The following TNC variants were observed in gnomAD, a reference collection of about 807,000 sequenced individuals.
TNC encodes tenascin.
A neutral mutation model predicts 202.4 loss-of-function variants in TNC; 109 were observed. That is an observed-to-expected ratio of 0.54 (90% CI 0.46 to 0.63). The LOEUF is 0.63. Among genes scored for constraint, TNC ranks in the 30% least tolerant of loss-of-function variants. TNC has a pLI of 0.00. For missense variants in TNC, 2,756 were observed against 2,833.3 expected, an observed-to-expected ratio of 0.97 and a Z score of 0.62; for synonymous variants, 1,007 against 1,089.7, an observed-to-expected ratio of 0.92 and a Z score of 1.50.
At chr9:115,093,882 T>C (rs910847284) in intron 1 of TNC, among the ~76,000 whole-genome samples, 6 of 152,170 alleles carry the variant, frequency 3.9e-5, no homozygotes, top group African/African-American at 1.2e-4. Context: ...AGTATGTTAT[T>C]CTTGAGCATT....
At chr9:115,059,523 G>C (rs1400202200) in intron 14 of TNC, among the ~76,000 whole-genome samples, 4 of 152,066 alleles carry the variant, frequency 2.6e-5, no homozygotes, top group Admixed American at 2.0e-4. Flanking sequence ...GATCAGAAAG[G>C]GCAACACCTG....
intron 15 of TNC, among the ~76,000 whole-genome samples, chr9:115,050,354 C>G (rs1207168481): frequency 6.6e-6 from 1 of 152,110 alleles, no homozygotes; most frequent in Non-Finnish European, 1.5e-5. Context: ...CTGGGTCTCT[C>G]AGCTTCCTTT....
chr9:115,038,542 G>C (rs941858121), intron 19 of TNC, among the ~76,000 whole-genome samples, 162 bp from the exon 20 acceptor site: 7 of 152,222 alleles, frequency 4.6e-5, no homozygotes, highest in Non-Finnish European at 7.3e-5. Flanking sequence ...ACCTGGCTTT[G>C]AGTAATGACT....
At chr9:115,059,358 C>T (rs180992196) in intron 14 of TNC, among the ~76,000 whole-genome samples, 177 of 152,248 alleles carry the variant, frequency 1.2e-3, no homozygotes, top group African/African-American at 4.1e-3. Context: ...ATCTGTGTTC[C>T]ACCAGAACTC....
chr9:115,066,938 A>C (rs1026421235), intron 10 of TNC, among the ~76,000 whole-genome samples: 3 of 152,232 alleles, frequency 2.0e-5, no homozygotes, highest in Non-Finnish European at 4.4e-5. Context: ...GGCCCTTTAC[A>C]GAAAATGTTT....
chr9:115,106,789 T>G (rs1836651281), intron 1 of TNC, among the ~76,000 whole-genome samples: 1 of 152,208 alleles, frequency 6.6e-6, no homozygotes, highest in African/African-American at 2.4e-5. Flanking sequence ...AGAGAGCGTT[T>G]CAGAGGGGCT....
intron 19 of TNC, 57 bp from the exon 20 acceptor site, chr9:115,038,437 GCTGC>G: frequency 1.9e-6 from 3 of 1,592,956 alleles, no homozygotes; most frequent in Non-Finnish European, 2.6e-6. Context: ...TCAGACTCTA[GCTGC>G]TCTGCTGTCC....
Position 115,021,141 on chromosome 9 carries a change from C to T in TNC, c.*16G>A. The T allele has an allele frequency of 6.3e-7, 1 of 1,599,514 alleles. No individual in the cohort carries two copies. Among genetic ancestry groups the T allele is most frequent in the Non-Finnish European group, 8.6e-7 (1 of 1,167,118 alleles). Reference sequence around the variant, plus strand: ...CTCTGGGCCTTATTCCTCTCTCACCCAGTGGTCCCTGGAATTTATGCCCGT... The same window carrying T: ...CTCTGGGCCTTATTCCTCTCTCACCTAGTGGTCCCTGGAATTTATGCCCGT... On this transcript the variant is annotated 3_prime_UTR_variant, in exon 28 of 28. Transcript: ENST00000350763.
intron 19 of TNC, among the ~76,000 whole-genome samples, chr9:115,038,923 G>T (rs1830535682): frequency 6.6e-6 from 1 of 152,104 alleles, no homozygotes; most frequent in Admixed American, 6.5e-5. Context: ...TGCCTCCCGG[G>T]TTCAAGCAAT....
rs1170585948 is a variant in TNC, at chr9:115,063,821, G to T, written c.3735C>A (p.Thr1245=). Residue 1245 remains threonine, a synonymous_variant, in exon 12 of 28, where the codon ACC becomes ACA. Coordinates refer to ENST00000350763, the MANE Select transcript of TNC (RefSeq NM_002160.4). ...IRGVTQDFST[T]PLSVEVLTEE... ...CTGTCAAGACTTCAACAGAGAGAGG[G>T]GTTGTGCTGAAGTCCTGAGTGACCC... 6.2e-7 allele frequency: 1 copy of T among 1,613,686 alleles called. No homozygotes were observed. Among genetic ancestry groups the T allele is most frequent in the African/African-American group, 1.3e-5 (1 of 74,912 alleles).
chr9:115,025,148 A>C (rs1246653665), intron 26 of TNC, among the ~76,000 whole-genome samples: 2 of 152,234 alleles, frequency 1.3e-5, no homozygotes, highest in Admixed American at 1.3e-4. Flanking sequence ...CAATGGAAGC[A>C]CAAAGAGAGA....
chr9:115,076,326 G>T, intron 8 of TNC, 64 bp downstream of exon 8: 1 of 1,570,984 alleles, frequency 6.4e-7, no homozygotes, highest in Non-Finnish European at 8.7e-7. Context: ...GTGGGAGCAG[G>T]TGCCCATCCT....
chr9:115,054,901 G>C (rs746968247), intron 15 of TNC, among the ~76,000 whole-genome samples: 3 of 152,168 alleles, frequency 2.0e-5, no homozygotes, highest in Admixed American at 1.3e-4. Flanking sequence ...CAAAGTACAT[G>C]TCAAAAAAGA....
chr9:115,081,956 G>A (rs1280261992), intron 5 of TNC, 28 bp from the exon 6 acceptor site: 3 of 1,566,400 alleles, frequency 1.9e-6, no homozygotes, highest in African/African-American at 2.8e-5. Flanking sequence ...CTTGGTAAGA[G>A]TTAGGGGAGG....
chr9:115,046,309 C>T (rs1831190310), intron 17 of TNC, 101 bp downstream of exon 17: 1 of 1,378,890 alleles, frequency 7.3e-7, no homozygotes, highest in Admixed American at 2.0e-5. Flanking sequence ...ATCAGAGCGC[C>T]AGCCTGCCTG....
chr9:115,063,069 T>G lies in TNC; in HGVS notation c.3881A>C (p.Asp1294Ala), dbSNP rs754192653. Residue 1294 changes from aspartate to alanine, a missense_variant, in exon 13 of 28, where the codon GAC (aspartate) becomes GCC (alanine). Asp to Ala is a moderately radical substitution (Grantham distance 126, BLOSUM62 -2). This residue lies in a region of TNC where 2,559 missense variants were observed against 2,546.0 expected (regional missense o/e 1.01). Transcript: ENST00000350763. ...GAGATTGTGAGCCTCTTCCACCTGG[T>G]CAGCCTCCTGGACCTGAATAGTAAA... ...DQFTIQVQEA[D>A]QVEEAHNLTV... 3 of 1,614,150 alleles carry G rather than the reference T, an allele frequency of 1.9e-6. No homozygotes were observed. Among genetic ancestry groups the G allele is most frequent in the South Asian group, 2.2e-5 (2 of 91,074 alleles).
intron 1 of TNC, among the ~76,000 whole-genome samples, chr9:115,104,095 G>T (rs1310726044): frequency 7.2e-5 from 11 of 152,176 alleles, no homozygotes; most frequent in Admixed American, 7.2e-4. Context: ...ATAAAAAGTG[G>T]TTCTGGACAA....
chr9:115,081,796 C>G lies in TNC; in HGVS notation c.2380G>C (p.Gly794Arg). Residue 794 changes from glycine (G) to arginine (R), a missense_variant, in exon 6 of 28, where the codon GGC becomes CGC. Transcript: ENST00000350763. ...CGTGTGGTGGTCACCCTCTTCAGGCCAGGGCCCCGGGTATTGTTTTTCACT... is the reference window on the plus strand; with the variant it reads ...CGTGTGGTGGTCACCCTCTTCAGGCGAGGGCCCCGGGTATTGTTTTTCACT... ...HIVKNNTRGP[G>R]LKRVTTTRLD... The G allele has an allele frequency of 6.2e-7, 1 of 1,613,890 alleles. No homozygotes were observed. The highest frequency in any genetic ancestry group is 8.5e-7 in the Non-Finnish European group (1 of 1,179,946).
At chr9:115,081,955 A>C in intron 5 of TNC, 27 bp from the exon 6 acceptor site, 1 of 1,567,894 alleles carries the variant, frequency 6.4e-7, no homozygotes, top group South Asian at 1.2e-5. Context: ...GCTTGGTAAG[A>C]GTTAGGGGAG....
Sources: allele counts gnomAD v4.1 joint callset (sites outside exome capture counted in the v4.1 genomes callset), GRCh38; gene constraint gnomAD v4.1.1; regional missense constraint gnomAD v4.1.1; transcripts MANE v1.5; gene names NCBI Gene and HGNC (gene_info 2026-07-23, HGNC 2026-07-21).